Variants in SNTG1 observed in about 807,000 individuals in gnomAD.
SNTG1 encodes gamma-1-syntrophin.
In SNTG1, 39 loss-of-function variants were observed where a neutral mutation model predicts 74.7. That is an observed-to-expected ratio of 0.52 (90% confidence interval 0.40 to 0.68). The LOEUF (loss-of-function observed/expected upper bound fraction) is 0.68, where lower values mean the gene tolerates loss of function less well. Ranked by LOEUF, SNTG1 falls within the 30% of genes least tolerant of loss-of-function variation. The pLI is 0.00. For synonymous variants in SNTG1, 254 were observed against 217.1 expected, an observed-to-expected ratio of 1.17 and a Z score of -1.49; for missense variants, 685 against 609.5, an observed-to-expected ratio of 1.12 and a Z score of -1.30.
In SNTG1 at chr8:49,936,342, G is replaced by A. The variant is rs115179620; in HGVS notation, c.-103+24111G>A. Among the ~76,000 whole-genome samples the A allele has an allele frequency of 8.0e-3, 1,219 of 151,950 alleles. 24 individuals are homozygous for A. The highest frequency in any genetic ancestry group is 0.028 in the African/African-American group (1,150 of 41,420). On this transcript the variant is annotated intron_variant, in intron 1 of 18. Transcript: ENST00000642720. Reference sequence around the variant, plus strand: ...AAATTCAGTGTGCTGAAAGTGTCGAGGTCCCTTTTGCTACAGTTTCCCTGT... The same window carrying A: ...AAATTCAGTGTGCTGAAAGTGTCGAAGTCCCTTTTGCTACAGTTTCCCTGT...
intron 1 of SNTG1, among the ~76,000 whole-genome samples, chr8:50,128,466 T>C (rs750030856): frequency 6.6e-6 from 1 of 152,166 alleles, no homozygotes; most frequent in Non-Finnish European, 1.5e-5. Context: ...ATAGCAAAGA[T>C]GCTAAAATTT....
At chr8:50,089,654 A>T (rs1362565727) in intron 1 of SNTG1, among the ~76,000 whole-genome samples, 1 of 152,244 alleles carries the variant, frequency 6.6e-6, no homozygotes, top group South Asian at 2.1e-4. Context: ...ACACATGAAA[A>T]GATGCTCATC....
intron 1 of SNTG1, among the ~76,000 whole-genome samples, chr8:49,916,561 T>C (rs1563343257): frequency 6.6e-6 from 1 of 152,242 alleles, no homozygotes; most frequent in Non-Finnish European, 1.5e-5. Context: ...ATATGCTCTA[T>C]GTTTAACAAA....
At chr8:50,111,265 T>A (rs1040987874) in intron 1 of SNTG1, among the ~76,000 whole-genome samples, 2 of 152,156 alleles carry the variant, frequency 1.3e-5, no homozygotes, top group Non-Finnish European at 2.9e-5. Flanking sequence ...GTTGAAGCTC[T>A]ACCCCCCCAA....
chr8:50,542,305 CCCA>C (rs937380773), intron 11 of SNTG1, among the ~76,000 whole-genome samples: 16 of 151,076 alleles, frequency 1.1e-4, no homozygotes, highest in African/African-American at 3.9e-4. Flanking sequence ...ACAGGCGCAC[CCCA>C]CCATGCCCTG....
At chr8:49,997,055 C>CTACT (rs1216296762) in intron 1 of SNTG1, among the ~76,000 whole-genome samples, 1 of 152,096 alleles carries the variant, frequency 6.6e-6, no homozygotes, top group Non-Finnish European at 1.5e-5. Context: ...CTTCTGTGAG[C>CTACT]TACTTACTTA....
intron 4 of SNTG1, among the ~76,000 whole-genome samples, chr8:50,407,033 C>T (rs539934563): frequency 2.0e-5 from 3 of 152,266 alleles, no homozygotes; most frequent in South Asian, 2.1e-4. Flanking sequence ...GGCCCGCAGA[C>T]GCCTCTGTAT....
intron 2 of SNTG1, among the ~76,000 whole-genome samples, chr8:50,348,111 C>T (rs912269908): frequency 2.0e-5 from 3 of 152,112 alleles, no homozygotes; most frequent in Admixed American, 1.3e-4. Context: ...TGAGTACATC[C>T]TGGGATAGGT....
At chr8:50,221,512 T>TACACAA (rs1473729808) in intron 2 of SNTG1, among the ~76,000 whole-genome samples, 4 of 130,110 alleles carry the variant, frequency 3.1e-5, no homozygotes, top group African/African-American at 1.1e-4. Context: ...AACACACACA[T>TACACAA]ACACACACAC....
At chr8:49,949,460 C>T (rs1809507168) in intron 1 of SNTG1, among the ~76,000 whole-genome samples, 2 of 152,108 alleles carry the variant, frequency 1.3e-5, no homozygotes, top group African/African-American at 4.8e-5. Flanking sequence ...TTCTTATAGA[C>T]ATGAAGCTCA....
intron 13 of SNTG1, among the ~76,000 whole-genome samples, chr8:50,594,210 C>A (rs2046355): frequency 0.15 from 23,315 of 152,070 alleles, 4,666 homozygotes; most frequent in African/African-American, 0.46. Context: ...GACAACCAGG[C>A]CTACATCACA....
At chr8:50,226,474 A>C (rs1430813871) in intron 2 of SNTG1, among the ~76,000 whole-genome samples, 1 of 152,168 alleles carries the variant, frequency 6.6e-6, no homozygotes, top group East Asian at 1.9e-4. Flanking sequence ...AGAAACTTTT[A>C]AAGATCTGAA....
chr8:50,601,152 C>CAAA (rs71235311), intron 13 of SNTG1, among the ~76,000 whole-genome samples: 745 of 31,496 alleles, frequency 0.024, 14 homozygotes, highest in Non-Finnish European at 0.026. Flanking sequence ...GCCAGCGAGA[C>CAAA]AAAAAAAAAA....
At chr8:50,578,629 T>C (rs988044239) in intron 12 of SNTG1, among the ~76,000 whole-genome samples, 3 of 152,142 alleles carry the variant, frequency 2.0e-5, no homozygotes, top group African/African-American at 7.2e-5. Context: ...ATGGGGGTAG[T>C]TACCCTCATG....
At chr8:50,429,630 G>A (rs1360985573) in intron 4 of SNTG1, among the ~76,000 whole-genome samples, 1 of 152,060 alleles carries the variant, frequency 6.6e-6, no homozygotes, top group Non-Finnish European at 1.5e-5. Flanking sequence ...AGAAAAAACA[G>A]ATAAATGGCA....
intron 1 of SNTG1, among the ~76,000 whole-genome samples, chr8:49,942,535 T>A: frequency 6.6e-6 from 1 of 152,228 alleles, no homozygotes; most frequent in Non-Finnish European, 1.5e-5. Context: ...GCTGTTCTTT[T>A]TTCTGCTTCA....
intron 2 of SNTG1, among the ~76,000 whole-genome samples, chr8:50,231,928 T>G (rs946139625): frequency 1.3e-5 from 2 of 151,372 alleles, no homozygotes; most frequent in African/African-American, 4.8e-5. Flanking sequence ...TTAGCTTAAT[T>G]TAGTCATTTT....
At chr8:50,138,522 G>A (rs2081551491) in intron 1 of SNTG1, among the ~76,000 whole-genome samples, 1 of 151,816 alleles carries the variant, frequency 6.6e-6, no homozygotes, top group Admixed American at 6.6e-5. Flanking sequence ...CTACTCAGGA[G>A]GCTGAGGCAG....
chr8:50,681,156 A>G (rs1015544516), intron 15 of SNTG1, among the ~76,000 whole-genome samples: 25 of 152,212 alleles, frequency 1.6e-4, no homozygotes, highest in Admixed American at 1.6e-3. Flanking sequence ...TGAGTGCAGA[A>G]ATAATAACCT....
Sources: allele counts gnomAD v4.1 joint callset (sites outside exome capture counted in the v4.1 genomes callset), GRCh38; gene constraint gnomAD v4.1.1; transcripts MANE v1.5; gene names NCBI Gene and HGNC (gene_info 2026-07-23, HGNC 2026-07-21).